Variants in SCPEP1 observed in about 807,000 individuals in gnomAD.
The protein encoded by SCPEP1 is serine carboxypeptidase 1.
Under a neutral mutation model 63.8 loss-of-function variants are expected in SCPEP1, and 51 were observed. The ratio of observed to expected loss-of-function variants is 0.80; its 90% CI spans 0.64 to 1.01. The LOEUF (loss-of-function observed/expected upper bound fraction) is 1.01, where lower values mean the gene tolerates loss of function less well. Ranked by LOEUF, SCPEP1 falls within the 50% of genes least tolerant of loss-of-function variation. The probability of loss-of-function intolerance (pLI) is 0.00; values close to 1 mark genes in which losing one functional copy is unlikely to be tolerated. For missense variants in SCPEP1, 499 were observed against 554.9 expected, an observed-to-expected ratio of 0.90 and a Z score of 1.01; for synonymous variants, 204 against 207.8, an observed-to-expected ratio of 0.98 and a Z score of 0.16.
chr17:56,995,321 C>G, intron 7 of SCPEP1, 186 bp from the exon 8 acceptor site: 1 of 627,502 alleles, frequency 1.6e-6, no homozygotes, highest in Non-Finnish European at 2.7e-6. Flanking sequence ...TGAATACCTA[C>G]TTAGGTTCAG....
At position 56,987,832 on chromosome 17, in the gene SCPEP1, T is replaced by C. The variant is rs1279359374; in HGVS notation, c.453T>C (p.Ser151=). The C allele has an allele frequency of 6.2e-7, 1 of 1,614,078 alleles. No individual in the cohort carries two copies. Residue 151 remains serine, a synonymous_variant, in exon 4 of 13, where the codon AGT becomes AGC. Coordinates refer to ENST00000262288, the MANE Select transcript of SCPEP1 (RefSeq NM_021626.3). ...TGGTTCTCCTGAAGACCTTCTTCAG[T>C]TGCCACAAAGAATTCCAGGTAAGCA... is the stretch of plus-strand genomic sequence containing the variant. ...DMMVLLKTFF[S]CHKEFQTVPF... is the part of the protein sequence containing the mutation.
At position 56,985,374 on chromosome 17, in the gene SCPEP1, A is replaced by G; in HGVS notation, c.226-4A>G. On this transcript the variant is annotated splice_polypyrimidine_tract_variant and splice_region_variant and intron_variant, in intron 2 of 12. Coordinates refer to ENST00000262288, the MANE Select transcript of SCPEP1 (RefSeq NM_021626.3). ...TTTTTGTTTGTTTCTTCTCTCTTCC[A>G]TAGGGCGGTCCAGGCGGTTCTAGCA... The G allele has an allele frequency of 6.2e-7, 1 of 1,613,556 alleles. No individual in the cohort carries two copies. Among genetic ancestry groups the G allele is most frequent in the South Asian group, 1.1e-5 (1 of 91,060 alleles).
In SCPEP1 at chr17:56,987,721, G is replaced by C; in HGVS notation, c.342G>C (p.Val114=). The C allele has an allele frequency of 6.2e-7, 1 of 1,613,888 alleles. No individual in the cohort carries two copies. Among genetic ancestry groups the C allele is most frequent in the African/African-American group, 1.3e-5 (1 of 74,962 alleles). Residue 114 remains valine (V), a synonymous_variant, in exon 4 of 13, where the codon GTG becomes GTC. Transcript: ENST00000262288. ...TCCAGGCTGCCAGTCTCCTATTTGTGGATAATCCCGTGGGCACTGGGTTCA... is the reference window on the plus strand; with the variant it reads ...TCCAGGCTGCCAGTCTCCTATTTGTCGATAATCCCGTGGGCACTGGGTTCA... ...TWLQAASLLF[V]DNPVGTGFSY...
intron 4 of SCPEP1, 92 bp from the exon 5 acceptor site, chr17:56,988,124 G>T: frequency 9.4e-7 from 1 of 1,066,878 alleles, no homozygotes; most frequent in Non-Finnish European, 1.4e-6. Flanking sequence ...TGTTTTTTCT[G>T]GTCATTACGT....
At chr17:56,990,397 T>A (rs930293147) in intron 5 of SCPEP1, among the ~76,000 whole-genome samples, 2 of 152,194 alleles carry the variant, frequency 1.3e-5, no homozygotes, top group African/African-American at 4.8e-5. Flanking sequence ...ATGTACATTA[T>A]AGAATATTGG....
At chr17:56,980,759 G>A (rs1221155516) in intron 1 of SCPEP1, among the ~76,000 whole-genome samples, 2 of 128,982 alleles carry the variant, frequency 1.6e-5, no homozygotes, top group Admixed American at 1.9e-4. Context: ...TTGCATTCCA[G>A]CCTGGGCAAC....
chr17:56,988,067 C>G lies in SCPEP1; in HGVS notation c.472-149C>G. ...CCTTGGAGTGAGCATTCTAATCAGA[C>G]GCAATAATCAGATATGGAGTGGTGG... On this transcript the variant is annotated intron_variant, in intron 4 of 12. Transcript: ENST00000262288. 5.3e-6 allele frequency: 4 copies of G among 748,912 alleles called. 1 individual carries two copies. In the East Asian group the frequency reaches 8.1e-5, roughly 15 times the overall value. 46.4% of individuals were successfully genotyped at this position (748,912 alleles called of 1,614,324 possible).
intron 2 of SCPEP1, among the ~76,000 whole-genome samples, chr17:56,981,890 C>T (rs1338668332): frequency 6.6e-6 from 1 of 152,192 alleles, no homozygotes; most frequent in Non-Finnish European, 1.5e-5. Context: ...CTGACCCTCC[C>T]TTCCTCTCCA....
chr17:56,980,576 G>C (rs1324688096), intron 1 of SCPEP1, among the ~76,000 whole-genome samples: 3 of 152,028 alleles, frequency 2.0e-5, no homozygotes, highest in Admixed American at 2.0e-4. Flanking sequence ...ATCACCTGAG[G>C]TCAGGAGTGC....
intron 5 of SCPEP1, 89 bp downstream of exon 5, chr17:56,988,379 G>C: frequency 1.0e-6 from 1 of 958,998 alleles, no homozygotes; most frequent in African/African-American, 1.6e-5. Flanking sequence ...AATATACTTT[G>C]AATAGGGCCA....
chr17:56,996,030 A>C (rs1312637090), intron 8 of SCPEP1, among the ~76,000 whole-genome samples: 1 of 152,094 alleles, frequency 6.6e-6, no homozygotes, highest in Non-Finnish European at 1.5e-5. Context: ...GCCCCTCTGC[A>C]GCTCTGTTCT....
At position 56,982,209 on chromosome 17, in the gene SCPEP1, G is replaced by A. The variant is rs560716659; in HGVS notation, c.225+979G>A. On this transcript the variant is annotated intron_variant, in intron 2 of 12. Transcript: ENST00000262288. ...CATGGTCTTGCCTCTGGAAAATGTA[G>A]GCATGGCCCAGCTGGAACCCTGGGC... Among the ~76,000 whole-genome samples, 58 of 152,130 alleles carry A rather than the reference G, an allele frequency of 3.8e-4. No individual in the cohort carries two copies. The East Asian group carries it at 0.01, about 27-fold the overall frequency.
rs1467741731 is a variant in SCPEP1 at position 56,988,766 on chromosome 17, G to A, written c.546+476G>A. The stretch of plus-strand genomic sequence containing the variant: ...CTTGTATAAAATATTAATTCTGGAT[G>A]GATTAAAATCTAAACATAAAAATAA... On this transcript the variant is annotated intron_variant, in intron 5 of 12. Coordinates refer to ENST00000262288, the MANE Select transcript of SCPEP1 (RefSeq NM_021626.3). Among the ~76,000 whole-genome samples the A allele has an allele frequency of 2.6e-5, 4 of 151,094 alleles. No individual in the cohort carries two copies. The East Asian group carries it at 7.8e-4, about 29-fold the overall frequency.
intron 6 of SCPEP1, 22 bp downstream of exon 6, chr17:56,991,193 A>G: frequency 2.5e-6 from 4 of 1,574,610 alleles, no homozygotes; most frequent in Non-Finnish European, 3.5e-6. Flanking sequence ...ATTTTCAGGC[A>G]TTTTTTCACT....
At chr17:57,004,667 A>G (rs772746826) in intron 12 of SCPEP1, among the ~76,000 whole-genome samples, 9 of 152,316 alleles carry the variant, frequency 5.9e-5, no homozygotes, top group Non-Finnish European at 1.2e-4. Flanking sequence ...TATGTTTCAT[A>G]TACACCTTAT....
intron 8 of SCPEP1, among the ~76,000 whole-genome samples, chr17:56,996,285 A>G (rs932595506): frequency 6.6e-6 from 1 of 151,950 alleles, no homozygotes; most frequent in African/African-American, 2.4e-5. Context: ...GCTCACTGCA[A>G]CCTCTGCCTC....
chr17:57,002,912 C>T (rs1820899213), intron 12 of SCPEP1, among the ~76,000 whole-genome samples: 1 of 150,260 alleles, frequency 6.7e-6, no homozygotes, highest in Non-Finnish European at 1.5e-5. Context: ...AAAAGAAATA[C>T]TTAGGGCTTG....
rs1567871895 is a variant in SCPEP1 at position 57,006,424 on chromosome 17, T to TA, written c.*196dup. 2.5e-6 allele frequency: 1 copy of TA among 395,260 alleles called. No individual in the cohort carries two copies. The allele number at this position is 395,260 out of a possible 1,614,324, so 24.5% of individuals were successfully genotyped here. A position where few individuals can be genotyped will look rare whatever the true frequency, so the allele number is the denominator to read the frequency against. ...CAATTTGGAAATTATTTCTGCTTCT[T>TA]AAAAAAACCTAAGATTTTTTAAAAA... is the stretch of plus-strand genomic sequence containing the variant. On this transcript the variant is annotated 3_prime_UTR_variant, in exon 13 of 13. Transcript: ENST00000262288.
At chr17:56,998,327 A>T in intron 9 of SCPEP1, 58 bp from the exon 10 acceptor site, 24 of 1,018,922 alleles carry the variant, frequency 2.4e-5, no homozygotes, top group Non-Finnish European at 3.3e-5. Flanking sequence ...AAAAAAAAAG[A>T]TGTCCTCTTG....
Sources: gnomAD v4.1 joint callset for allele counts (sites outside exome capture counted in the v4.1 genomes callset) on GRCh38, gnomAD v4.1.1 for gene constraint, MANE v1.5 for transcripts, NCBI Gene and HGNC (gene_info 2026-07-23, HGNC 2026-07-21) for gene names.